The following TMEM63C variants were observed in gnomAD, a reference collection of about 807,000 sequenced individuals.
The protein encoded by TMEM63C is osmosensitive cation channel TMEM63C.
Under a neutral mutation model 99.2 loss-of-function variants are expected in TMEM63C, and 32 were observed. That is an observed-to-expected ratio of 0.32 (90% CI 0.24 to 0.43). TMEM63C has a LOEUF of 0.43. Ranked by LOEUF, TMEM63C falls within the 20% of genes least tolerant of loss-of-function variation. TMEM63C has a pLI of 1.00. For synonymous variants in TMEM63C, 376 were observed against 397.9 expected, an observed-to-expected ratio of 0.94 and a Z score of 0.66; for missense variants, 826 against 1,053.0, an observed-to-expected ratio of 0.78 and a Z score of 2.98.
chr14:77,195,197 G>C (rs1342893565), intron 1 of TMEM63C, among the ~76,000 whole-genome samples: 4 of 152,132 alleles, frequency 2.6e-5, no homozygotes, highest in Non-Finnish European at 4.4e-5. Context: ...TTCTCAGTGG[G>C]TTCACCTCTC....
chr14:77,221,408 T>C (rs1594858655), intron 5 of TMEM63C, among the ~76,000 whole-genome samples: 1 of 29,620 alleles, frequency 3.4e-5, no homozygotes, highest in Non-Finnish European at 5.3e-5. Flanking sequence ...CATTCATGCC[T>C]CCTCTCCCAC....
intron 4 of TMEM63C, 41 bp downstream of exon 4, chr14:77,219,618 G>A (rs1052718784): frequency 1.2e-6 from 2 of 1,604,870 alleles, no homozygotes; most frequent in Admixed American, 3.3e-5. Flanking sequence ...GCCCCCTTGG[G>A]GAAAACCTGT....
At position 77,225,904 on chromosome 14, in the gene TMEM63C, A is replaced by T. The variant is rs1888812435; in HGVS notation, c.350+443A>T. The stretch of plus-strand genomic sequence containing the variant: ...CTCAGTGCCTGGAGAGCAGAGGGGC[A>T]GCCCTTGCCCACCTCACCTTGTGGG... On this transcript the variant is annotated intron_variant, in intron 6 of 23. Coordinates refer to ENST00000298351, the MANE Select transcript of TMEM63C (RefSeq NM_020431.4). Among the ~76,000 whole-genome samples the T allele has an allele frequency of 7.9e-5, 12 of 151,850 alleles. No individual in the cohort carries two copies. In the South Asian group the frequency reaches 2.5e-3, roughly 32 times the overall value.
intron 15 of TMEM63C, 23 bp from the exon 16 acceptor site, chr14:77,244,326 C>T (rs764180383): frequency 1.2e-5 from 18 of 1,559,634 alleles, no homozygotes; most frequent in Non-Finnish European, 1.3e-5. Context: ...TCTCTCCTGC[C>T]GTCCTCCCCT....
chr14:77,198,739 G>C (rs1481811471), intron 1 of TMEM63C, among the ~76,000 whole-genome samples: 2 of 152,180 alleles, frequency 1.3e-5, no homozygotes, highest in African/African-American at 4.8e-5. Flanking sequence ...ATGTTTCCTG[G>C]CAAGGATGGG....
chr14:77,244,269 T>G (rs896410871), intron 15 of TMEM63C, 80 bp from the exon 16 acceptor site: 8 of 1,089,812 alleles, frequency 7.3e-6, no homozygotes, highest in Non-Finnish European at 9.8e-6. Flanking sequence ...GCCCTGGGAG[T>G]GAGTGGGAGG....
intron 22 of TMEM63C, among the ~76,000 whole-genome samples, chr14:77,252,733 T>G (rs1403945296): frequency 6.6e-6 from 1 of 152,216 alleles, no homozygotes. Flanking sequence ...TCTCTTTGCT[T>G]CTGGTGTCTC....
At chr14:77,243,128 G>T (rs1008910784) in intron 15 of TMEM63C, 72 bp downstream of exon 15, 44 of 1,559,900 alleles carry the variant, frequency 2.8e-5, no homozygotes, top group Middle Eastern at 3.5e-4. Flanking sequence ...AGGATGGGAT[G>T]GGGGGAGCCC....
intron 1 of TMEM63C, among the ~76,000 whole-genome samples, chr14:77,190,911 T>A (rs1025684599): frequency 2.0e-5 from 3 of 152,118 alleles, no homozygotes; most frequent in African/African-American, 7.2e-5. Flanking sequence ...AAATGTAAGT[T>A]ATAAAAGTGC....
chr14:77,246,204 C>T lies in TMEM63C; in HGVS notation c.1535+178C>T, dbSNP rs192566640. Among the ~76,000 whole-genome samples the T allele has an allele frequency of 3.9e-5, 6 of 152,312 alleles. 1 individual carries two copies. The highest frequency in any genetic ancestry group is 4.1e-4 in the South Asian group (2 of 4,832). On this transcript the variant is annotated intron_variant, in intron 17 of 23. Coordinates refer to ENST00000298351, the MANE Select transcript of TMEM63C (RefSeq NM_020431.4). ...TTCCTGCAGACACTAACGTGTCAGC[C>T]GTGAGTTCAGCCCACATAGAGCTTA...
At chr14:77,205,879 C>T (rs1888390106) in intron 1 of TMEM63C, among the ~76,000 whole-genome samples, 1 of 152,216 alleles carries the variant, frequency 6.6e-6, no homozygotes, top group East Asian at 1.9e-4. Context: ...CCCTGCTGTT[C>T]AGCTGCTAGC....
At chr14:77,245,057 G>A (rs530822249) in intron 16 of TMEM63C, among the ~76,000 whole-genome samples, 14 of 152,282 alleles carry the variant, frequency 9.2e-5, no homozygotes, top group South Asian at 6.2e-4. Context: ...GTTATTTTCC[G>A]CACCAAAAGT....
chr14:77,225,543 C>T, intron 6 of TMEM63C, 82 bp downstream of exon 6: 1 of 1,478,112 alleles, frequency 6.8e-7, no homozygotes, highest in South Asian at 1.2e-5. Flanking sequence ...TTAGCAGCCC[C>T]CAGCCTGGGA....
In TMEM63C at chr14:77,251,903, G is replaced by T. The variant is rs774164912; in HGVS notation, c.2148+5G>T. The T allele has an allele frequency of 8.1e-6, 13 of 1,608,170 alleles. No homozygotes were observed. The South Asian group carries it at 1.4e-4, about 18-fold the overall frequency. On this transcript the variant is annotated splice_donor_5th_base_variant and intron_variant, in intron 22 of 23. Transcript: ENST00000298351. ...CGGATGGTTGCCGACTACGAGGTGA[G>T]TTGCCAGCCTGCCCCTCCTCCTGGT...
intron 1 of TMEM63C, among the ~76,000 whole-genome samples, chr14:77,186,626 G>C (rs888415755): frequency 6.6e-6 from 1 of 152,184 alleles, no homozygotes; most frequent in Non-Finnish European, 1.5e-5. Flanking sequence ...AGAAGGTTTA[G>C]TCTGCAGTGA....
chr14:77,252,090 T>C (rs1204690853), intron 22 of TMEM63C, among the ~76,000 whole-genome samples, 192 bp downstream of exon 22: 2 of 149,530 alleles, frequency 1.3e-5, no homozygotes, highest in Non-Finnish European at 3.0e-5. Context: ...CATGCGTGCA[T>C]GCCTTGCACT....
intron 22 of TMEM63C, 143 bp from the exon 23 acceptor site, chr14:77,253,162 C>A: frequency 2.7e-6 from 2 of 736,258 alleles, no homozygotes; most frequent in Non-Finnish European, 2.4e-6. Context: ...CTCAGTCTTG[C>A]CAGGCTGAAG....
intron 5 of TMEM63C, among the ~76,000 whole-genome samples, chr14:77,223,878 T>C (rs926125972): frequency 6.6e-6 from 1 of 152,042 alleles, no homozygotes; most frequent in African/African-American, 2.4e-5. Context: ...AGCTACTTGT[T>C]CCCTTAGTCA....
intron 1 of TMEM63C, among the ~76,000 whole-genome samples, chr14:77,194,669 G>A (rs748502132): frequency 1.1e-4 from 16 of 151,762 alleles, no homozygotes; most frequent in Non-Finnish European, 2.2e-4. Context: ...AACCTGCTGG[G>A]TTTAAGTAAT....
Sources: gnomAD v4.1 joint callset for allele counts (sites outside exome capture counted in the v4.1 genomes callset) on GRCh38, gnomAD v4.1.1 for gene constraint, MANE v1.5 for transcripts, NCBI Gene and HGNC (gene_info 2026-07-23, HGNC 2026-07-21) for gene names.